HSP90AA1: variants seen among roughly 807,000 people sequenced by gnomAD.
HSP90AA1 encodes heat shock protein HSP 90-alpha.
A neutral mutation model predicts 73.3 loss-of-function variants in HSP90AA1; 18 were observed. The observed-to-expected ratio is 0.25, with a 90% CI of 0.17 to 0.36. HSP90AA1 has a LOEUF of 0.36. HSP90AA1 is among the 10% of genes least tolerant of loss of function. The probability of loss-of-function intolerance (pLI) is 1.00; values close to 1 mark genes in which losing one functional copy is unlikely to be tolerated. For synonymous variants in HSP90AA1, 477 were observed against 296.9 expected (o/e 1.61, Z -6.24); for missense variants, 704 against 874.2 (o/e 0.81, Z 2.45).
chr14:102,087,949 T>TC (rs60036942), upstream of HSP90AA1, among the ~76,000 whole-genome samples: 1,956 of 88,842 alleles, frequency 0.022, 15 homozygotes, highest in South Asian at 0.077. Flanking sequence ...TTTTTTTTTT[T>TC]TCTTTTTTTT....
exon 1 of HSP90AA1, chr14:102,139,251 T>G (rs1331934750): frequency 1.2e-6 from 2 of 1,614,126 alleles, no homozygotes; most frequent in Non-Finnish European, 1.7e-6. Context: ...CCTTGGTACC[T>G]TCTCAGAAAC....
At chr14:102,096,731 C>T (rs1011626339) in intron 2 of HSP90AA1, among the ~76,000 whole-genome samples, 12 of 152,196 alleles carry the variant, frequency 7.9e-5, no homozygotes, top group African/African-American at 2.7e-4. Context: ...GGGAACCCTT[C>T]GCCCAAAGGC....
chr14:102,082,516 G>GTT, intron 9 of HSP90AA1, 72 bp from the exon 10 acceptor site: 2 of 1,212,430 alleles, frequency 1.6e-6, no homozygotes, highest in Non-Finnish European at 2.4e-6. Context: ...AATGAAATCT[G>GTT]TAGAACCCAA....
intron 1 of HSP90AA1, among the ~76,000 whole-genome samples, chr14:102,112,142 C>T (rs533368894): frequency 3.8e-4 from 58 of 152,234 alleles, no homozygotes; most frequent in African/African-American, 1.3e-3. Flanking sequence ...GAGTTTGGAC[C>T]TCTTAGATTC....
Position 102,083,992 on chromosome 14 carries a change from AAT to A in HSP90AA1, c.1148-11_1148-10del. 1.2e-6 allele frequency: 2 copies of A among 1,606,314 alleles called. No homozygotes were observed. The highest frequency in any genetic ancestry group is 1.7e-6 in the Non-Finnish European group (2 of 1,172,950). ...CACCCCTCTAATGAAGTCTGAAAAA[AAT>A]ATAAACCAAATGCACTGAGTCATTC... On this transcript the variant is annotated splice_polypyrimidine_tract_variant and intron_variant, in intron 6 of 10. Coordinates refer to ENST00000216281, the MANE Select transcript of HSP90AA1 (RefSeq NM_005348.4).
At chr14:102,087,134 A>T, upstream of HSP90AA1, 1 of 983,376 alleles carries the variant, frequency 1.0e-6, no homozygotes, top group Non-Finnish European at 1.2e-6. Context: ...CTTCCGGAAG[A>T]ACCCTCCCCA....
intron 2 of HSP90AA1, among the ~76,000 whole-genome samples, chr14:102,094,659 G>A (rs561083757): frequency 3.4e-4 from 52 of 152,322 alleles, no homozygotes; most frequent in African/African-American, 1.2e-3. Flanking sequence ...AAAGAAAATG[G>A]AGGCTGGAAA....
intron 1 of HSP90AA1, among the ~76,000 whole-genome samples, chr14:102,122,036 T>C (rs534878430): frequency 4.3e-4 from 65 of 152,246 alleles, no homozygotes; most frequent in African/African-American, 1.5e-3. Flanking sequence ...TTCAAGATTA[T>C]AAATATATTT....
exon 1 of HSP90AA1, chr14:102,139,575 C>T (rs116641992): frequency 5.5e-6 from 4 of 733,460 alleles, no homozygotes; most frequent in East Asian, 2.7e-5. Context: ...CGCCGCGGTT[C>T]CCCCTGACCG....
intron 1 of HSP90AA1, among the ~76,000 whole-genome samples, chr14:102,127,439 C>A (rs1278455477): frequency 1.3e-5 from 2 of 152,146 alleles, no homozygotes; most frequent in Non-Finnish European, 2.9e-5. Context: ...AATGTCCCAG[C>A]CTTATGACAG....
chr14:102,091,514 T>C (rs1199799801), upstream of HSP90AA1, among the ~76,000 whole-genome samples: 1 of 151,896 alleles, frequency 6.6e-6, no homozygotes, highest in South Asian at 2.1e-4. Context: ...TAGTCCCAGC[T>C]ACTCGGGAGG....
intron 1 of HSP90AA1, among the ~76,000 whole-genome samples, chr14:102,112,746 G>C (rs563513342): frequency 1.4e-4 from 22 of 152,318 alleles, no homozygotes; most frequent in African/African-American, 5.3e-4. Flanking sequence ...CTCTCAAAGT[G>C]CTGGGATTAC....
At chr14:102,095,071 C>A (rs1566725792) in intron 2 of HSP90AA1, among the ~76,000 whole-genome samples, 1 of 152,268 alleles carries the variant, frequency 6.6e-6, no homozygotes, top group South Asian at 2.1e-4. Context: ...TCAGTGTCAC[C>A]TTTGTTGGAC....
intron 2 of HSP90AA1, among the ~76,000 whole-genome samples, chr14:102,098,237 C>G (rs2049449476): frequency 6.6e-6 from 1 of 152,034 alleles, no homozygotes; most frequent in African/African-American, 2.4e-5. Flanking sequence ...TCTCGGCTCA[C>G]TACAACCTCC....
At chr14:102,100,671 C>T (rs569598628) in intron 2 of HSP90AA1, among the ~76,000 whole-genome samples, 34 of 152,338 alleles carry the variant, frequency 2.2e-4, no homozygotes, top group Non-Finnish European at 4.1e-4. Flanking sequence ...GTGATCTGCC[C>T]GCCTGGGCCT....
intron 1 of HSP90AA1, chr14:102,102,132 A>G (rs1391662068): frequency 6.5e-7 from 1 of 1,531,562 alleles, no homozygotes; most frequent in Admixed American, 1.7e-5. Context: ...CAAACATAAC[A>G]GAGATAGGGC....
chr14:102,118,566 T>G (rs1443567900), intron 1 of HSP90AA1, among the ~76,000 whole-genome samples: 1 of 152,024 alleles, frequency 6.6e-6, no homozygotes, highest in Non-Finnish European at 1.5e-5. Flanking sequence ...TATTTTAATC[T>G]TTCATCCACT....
Position 102,084,749 on chromosome 14 carries a change from T to A in HSP90AA1, c.913A>T (p.Thr305Ser). The A allele has an allele frequency of 6.2e-7, 1 of 1,614,190 alleles. No individual in the cohort carries two copies. The highest frequency in any genetic ancestry group is 1.3e-5 in the African/African-American group (1 of 75,060). The change falls in exon 5 of 11, where the codon ACT becomes TCT. Residue 305 changes from threonine (T) to serine (S), a missense_variant. Coordinates refer to ENST00000216281, the MANE Select transcript of HSP90AA1 (RefSeq NM_005348.4). Reference protein sequence around the residue: ...PIWTRNPDDITNEEYGEFYKS... With the variant: ...PIWTRNPDDISNEEYGEFYKS... ...TAGAATTCTCCGTACTCCTCATTAG[T>A]AATATCGTCGGGATTTCTGGTCCAG...
At chr14:102,139,665 A>T (rs1402470196) in exon 1 of HSP90AA1, 10 of 651,936 alleles carry the variant, frequency 1.5e-5, no homozygotes, top group Non-Finnish European at 2.6e-5. Context: ...GGAAGCAGCC[A>T]TGCCGCCCGG....
Sources: gnomAD v4.1 joint callset for allele counts (sites outside exome capture counted in the v4.1 genomes callset) on GRCh38, gnomAD v4.1.1 for gene constraint, MANE v1.5 for transcripts, NCBI Gene and HGNC (gene_info 2026-07-23, HGNC 2026-07-21) for gene names.